The following NRG3 variants were observed in gnomAD, a reference collection of about 807,000 sequenced individuals.
The protein encoded by NRG3 is neuregulin 3.
Under a neutral mutation model 66.9 loss-of-function variants are expected in NRG3, and 31 were observed. That is an observed-to-expected ratio of 0.46 (90% CI 0.35 to 0.63). NRG3 has a LOEUF of 0.63. Among genes scored for constraint, NRG3 ranks in the 20% least tolerant of loss-of-function variants. NRG3 has a pLI of 0.00. For missense variants in NRG3, 910 were observed against 878.9 expected (o/e 1.04, Z -0.45); for synonymous variants, 393 against 359.4 (o/e 1.09, Z -1.06).
intron 1 of NRG3, among the ~76,000 whole-genome samples, chr10:82,085,798 G>A (rs889959148): frequency 6.6e-6 from 1 of 151,874 alleles, no homozygotes; most frequent in Non-Finnish European, 1.5e-5. Flanking sequence ...CATCAGGCCC[G>A]GCTAATTTTT....
Position 82,987,166 on chromosome 10 carries a change from G to A in NRG3, c.*1561G>A, listed in dbSNP as rs187099747. ...ACACTGTTTTAAATAAAAAGGCACC[G>A]TATTTGAAAGCATAAAAGATTTCTT... On this transcript the variant is annotated 3_prime_UTR_variant, in exon 9 of 9. Transcript: ENST00000372141. 8 of 152,268 alleles carry A rather than the reference G, an allele frequency of 5.3e-5. No individual in the cohort carries two copies. The highest frequency in any genetic ancestry group is 4.1e-4 in the South Asian group (2 of 4,830). The allele number at this position is 152,268 out of a possible 1,614,324, so 9.4% of individuals were successfully genotyped here.
At chr10:82,355,789 T>C (rs1218641856) in intron 1 of NRG3, among the ~76,000 whole-genome samples, 4 of 152,224 alleles carry the variant, frequency 2.6e-5, no homozygotes, top group Non-Finnish European at 5.9e-5. Flanking sequence ...TGGGTAATAC[T>C]ATGTAGATAA....
At chr10:82,400,797 A>T (rs2087040457) in intron 2 of NRG3, among the ~76,000 whole-genome samples, 1 of 152,016 alleles carries the variant, frequency 6.6e-6, no homozygotes, top group South Asian at 2.1e-4. Context: ...CTGGCCTGAA[A>T]CTGCTGAGCT....
At chr10:82,365,859 A>G (rs1359001333) in intron 2 of NRG3, among the ~76,000 whole-genome samples, 1 of 152,096 alleles carries the variant, frequency 6.6e-6, no homozygotes. Flanking sequence ...GAATTTAGTT[A>G]TTAGCCAAAG....
chr10:82,837,534 A>C (rs2062841467), intron 3 of NRG3, among the ~76,000 whole-genome samples: 1 of 152,120 alleles, frequency 6.6e-6, no homozygotes, highest in Non-Finnish European at 1.5e-5. Context: ...AAGACGAAAA[A>C]ATAAAGGGAA....
chr10:82,328,526 C>A (rs954955818), intron 1 of NRG3, among the ~76,000 whole-genome samples: 1 of 152,160 alleles, frequency 6.6e-6, no homozygotes. Context: ...CTCTCCAATT[C>A]ATGAATCTAG....
intron 1 of NRG3, among the ~76,000 whole-genome samples, chr10:81,972,790 A>G (rs949206603): frequency 5.9e-5 from 9 of 152,194 alleles, no homozygotes; most frequent in African/African-American, 2.2e-4. Flanking sequence ...AAGGAGCTCA[A>G]TGAACCATAA....
At chr10:82,759,860 T>C (rs1358250350) in intron 3 of NRG3, among the ~76,000 whole-genome samples, 1 of 152,030 alleles carries the variant, frequency 6.6e-6, no homozygotes, top group Admixed American at 6.6e-5. Context: ...ATTGATGAAA[T>C]AATAAGAAAC....
intron 1 of NRG3, among the ~76,000 whole-genome samples, chr10:82,048,467 G>A (rs4373865): frequency 0.89 from 134,614 of 151,740 alleles, 60,863 homozygotes; most frequent in South Asian, 0.99. Context: ...GCACAACTAC[G>A]TGGAAACTGA....
At chr10:82,397,236 C>T (rs1373945183) in intron 2 of NRG3, among the ~76,000 whole-genome samples, 1 of 152,154 alleles carries the variant, frequency 6.6e-6, no homozygotes, top group East Asian at 1.9e-4. Context: ...GCCTCCACAG[C>T]CTGGAACTTT....
chr10:82,000,198 T>C lies in NRG3; in HGVS notation c.823+124035T>C, dbSNP rs116621811. Among the ~76,000 whole-genome samples the C allele has an allele frequency of 5.8e-3, 878 of 152,360 alleles. 7 individuals carry two copies. The highest frequency in any genetic ancestry group is 0.019 in the African/African-American group (810 of 41,590). ...ACTTTAAAGAACACACATTTCCAATTATCAATAAAATTTAAGTAGCATAGA... is the reference window on the plus strand; with the variant it reads ...ACTTTAAAGAACACACATTTCCAATCATCAATAAAATTTAAGTAGCATAGA... On this transcript the variant is annotated intron_variant, in intron 1 of 8. Coordinates refer to ENST00000372141, the MANE Select transcript of NRG3 (RefSeq NM_001010848.4).
At chr10:82,784,091 A>G (rs2060237831) in intron 3 of NRG3, among the ~76,000 whole-genome samples, 1 of 152,120 alleles carries the variant, frequency 6.6e-6, no homozygotes, top group African/African-American at 2.4e-5. Flanking sequence ...AAACCTGAGA[A>G]AAACAAGCAA....
intron 1 of NRG3, among the ~76,000 whole-genome samples, chr10:82,157,930 A>T (rs546856664): frequency 1.6e-4 from 25 of 151,830 alleles, no homozygotes; most frequent in African/African-American, 5.3e-4. Flanking sequence ...GCAAAGGAGA[A>T]AGTAATGTGC....
At chr10:82,956,526 A>T (rs540704258) in intron 5 of NRG3, among the ~76,000 whole-genome samples, 1 of 152,056 alleles carries the variant, frequency 6.6e-6, no homozygotes, top group African/African-American at 2.4e-5. Flanking sequence ...AAAAAAGACT[A>T]AAGGTAAGCA....
chr10:82,419,128 G>GT (rs1230397355), intron 2 of NRG3, among the ~76,000 whole-genome samples: 1 of 152,090 alleles, frequency 6.6e-6, no homozygotes, highest in African/African-American at 2.4e-5. Context: ...AACTAGACAA[G>GT]TTTCCACTGC....
At chr10:82,520,166 C>T (rs1216777359) in intron 2 of NRG3, among the ~76,000 whole-genome samples, 1 of 148,700 alleles carries the variant, frequency 6.7e-6, no homozygotes, top group African/African-American at 2.5e-5. Flanking sequence ...AGAAGCTGTC[C>T]TAGGGCTTCC....
chr10:82,135,135 A>G (rs1394681592), intron 1 of NRG3, among the ~76,000 whole-genome samples: 1 of 152,060 alleles, frequency 6.6e-6, no homozygotes, highest in Non-Finnish European at 1.5e-5. Context: ...AAAAAAAAAA[A>G]AAATTCCATA....
At chr10:82,415,615 CT>C (rs899447254) in intron 2 of NRG3, among the ~76,000 whole-genome samples, 14 of 152,090 alleles carry the variant, frequency 9.2e-5, no homozygotes, top group Non-Finnish European at 1.9e-4. Context: ...TAATTTTTCC[CT>C]TAATTATCCA....
At chr10:82,678,398 G>C (rs1000826997) in intron 2 of NRG3, among the ~76,000 whole-genome samples, 2 of 152,132 alleles carry the variant, frequency 1.3e-5, no homozygotes, top group African/African-American at 4.8e-5. Context: ...GTCACAAGAT[G>C]CTCAGTAGGG....
Sources: allele counts gnomAD v4.1 joint callset (sites outside exome capture counted in the v4.1 genomes callset), GRCh38; gene constraint gnomAD v4.1.1; transcripts MANE v1.5; gene names NCBI Gene and HGNC (gene_info 2026-07-23, HGNC 2026-07-21).